RBM4B: variants seen among roughly 807,000 people sequenced by gnomAD.
RBM4B encodes the protein RNA-binding protein 4B.
RBM4B carries 13 observed loss-of-function variants against 28.5 expected under a neutral mutation model. The observed-to-expected ratio is 0.46, with a 90% CI of 0.30 to 0.72. The LOEUF (loss-of-function observed/expected upper bound fraction) is 0.72, where lower values mean the gene tolerates loss of function less well. RBM4B is among the 30% of genes least tolerant of loss of function. The probability of loss-of-function intolerance (pLI) is 0.09; values close to 1 mark genes in which losing one functional copy is unlikely to be tolerated. For missense variants in RBM4B, 387 were observed against 477.6 expected (o/e 0.81, Z 1.77); for synonymous variants, 167 against 179.1 (o/e 0.93, Z 0.54).
intron 2 of RBM4B, chr11:66,675,802 T>C (rs1420361366): frequency 6.6e-6 from 1 of 152,240 alleles, no homozygotes; most frequent in African/African-American, 2.4e-5. Context: ...TACTGAGTGC[T>C]TGAAACGTGT....
At chr11:66,672,961 C>G (rs968518910) in intron 2 of RBM4B, among the ~76,000 whole-genome samples, 2 of 152,150 alleles carry the variant, frequency 1.3e-5, no homozygotes, top group African/African-American at 4.8e-5. Flanking sequence ...TTTCCTGGGA[C>G]TTCCAAAAGT....
At chr11:66,671,060 G>A in intron 2 of RBM4B, 1 of 701,776 alleles carries the variant, frequency 1.4e-6, no homozygotes, top group South Asian at 1.5e-5. Context: ...GCGGGTTAGT[G>A]TGGCAATATC....
chr11:66,669,421 ACCT>A, intron 2 of RBM4B, 130 bp from the exon 3 acceptor site: 1 of 829,848 alleles, frequency 1.2e-6, no homozygotes, highest in East Asian at 2.6e-5. Flanking sequence ...TATTTCAGCA[ACCT>A]CCTTTAAAAA....
At chr11:66,667,753 G>GA (rs1185837812) in intron 3 of RBM4B, 1 of 151,660 alleles carries the variant, frequency 6.6e-6, no homozygotes, top group Non-Finnish European at 1.5e-5. Context: ...GCCCAGGCTG[G>GA]AATACAGTGG....
At position 66,669,079 on chromosome 11, in the gene RBM4B, T is replaced by C. The variant is rs762126688; in HGVS notation, c.625A>G (p.Met209Val). ...GCTCCATATGCATCGTTGTAATACA[T>C]GGATTCCCCGTAGCCCATGGTGTAA... The part of the protein sequence containing the change: ...TPYTMGYGES[M>V]YYNDAYGALD... Residue 209 changes from methionine to valine, a missense_variant, in exon 3 of 4, where the codon ATG (methionine) becomes GTG (valine). Transcript: ENST00000310046. 2 of 1,614,038 alleles carry C rather than the reference T, an allele frequency of 1.2e-6. No homozygotes were observed.
At chr11:66,674,556 AAT>A (rs543989886) in intron 2 of RBM4B, among the ~76,000 whole-genome samples, 4 of 149,108 alleles carry the variant, frequency 2.7e-5, no homozygotes, top group African/African-American at 9.9e-5. Flanking sequence ...AGTTGTATTA[AAT>A]ATATATATGG....
chr11:66,668,450 TG>T, intron 3 of RBM4B, 164 bp downstream of exon 3: 1 of 587,526 alleles, frequency 1.7e-6, no homozygotes, highest in Admixed American at 3.0e-5. Context: ...ACAGGCCAAA[TG>T]GAACTTGTGG....
intron 2 of RBM4B, among the ~76,000 whole-genome samples, chr11:66,675,109 G>GT (rs1939598217): frequency 6.6e-6 from 1 of 152,146 alleles, no homozygotes; most frequent in South Asian, 2.1e-4. Flanking sequence ...AAAAACAAAT[G>GT]TAAGAAAAGC....
At chr11:66,667,720 A>G (rs1939292425) in intron 3 of RBM4B, 1 of 119,568 alleles carries the variant, frequency 8.4e-6, no homozygotes. Flanking sequence ...TTTTAAATAA[A>G]GGAGAGACAG....
intron 2 of RBM4B, chr11:66,676,335 G>A (rs746608838): frequency 1.3e-5 from 6 of 456,426 alleles, no homozygotes; most frequent in Non-Finnish European, 1.9e-5. Flanking sequence ...GGTAAGCCAC[G>A]GACCTTTATC....
At chr11:66,672,672 T>A (rs1939505673) in intron 2 of RBM4B, among the ~76,000 whole-genome samples, 1 of 151,840 alleles carries the variant, frequency 6.6e-6, no homozygotes, top group Non-Finnish European at 1.5e-5. Flanking sequence ...ATTTCTTCTA[T>A]TTTTAGTGGA....
chr11:66,676,568 G>T, intron 2 of RBM4B, 100 bp downstream of exon 2: 1 of 1,348,212 alleles, frequency 7.4e-7, no homozygotes. Flanking sequence ...AGCTAAAACA[G>T]AATGGAAGAG....
intron 2 of RBM4B, among the ~76,000 whole-genome samples, chr11:66,672,387 G>A (rs1228498340): frequency 9.0e-6 from 1 of 111,286 alleles, no homozygotes; most frequent in Non-Finnish European, 1.7e-5. Context: ...TACAGCCTAG[G>A]CAATAGAGCA....
intron 2 of RBM4B, among the ~76,000 whole-genome samples, chr11:66,669,765 AGAT>A (rs1565093867): frequency 1.3e-5 from 2 of 152,370 alleles, no homozygotes; most frequent in South Asian, 4.1e-4. Context: ...AGTTTAATAC[AGAT>A]GAGAGCTAGA....
chr11:66,677,438 G>A (rs1939675866), intron 1 of RBM4B: 1 of 310,682 alleles, frequency 3.2e-6, no homozygotes, highest in Non-Finnish European at 6.0e-6. Flanking sequence ...TGGTAACAAG[G>A]TTTTGGAGGG....
In RBM4B at chr11:66,669,124, A is replaced by G; in HGVS notation, c.580T>C (p.Tyr194His). 1 of 1,614,056 alleles carries G rather than the reference A, an allele frequency of 6.2e-7. No individual in the cohort carries two copies. The highest frequency in any genetic ancestry group is 1.1e-5 in the South Asian group (1 of 91,078). Residue 194 changes from tyrosine (Y) to histidine (H), a missense_variant, in exon 3 of 4, where the codon TAT becomes CAT. Transcript: ENST00000310046. Reference protein sequence around the residue: ...ADFTEQYNEQYGAVRTPYTMG... With the variant: ...ADFTEQYNEQHGAVRTPYTMG... ...GTGTAAGGTGTTCGAACTGCTCCAT[A>G]TTGTTCATTATACTGCTCAGTAAAG...
chr11:66,666,522 C>T (rs1397466060), intron 3 of RBM4B: 15 of 863,924 alleles, frequency 1.7e-5, no homozygotes, highest in Non-Finnish European at 1.9e-5. Flanking sequence ...TAAAAGTCAT[C>T]GCTAAAAAGA....
chr11:66,666,302 G>T, intron 3 of RBM4B: 2 of 1,065,408 alleles, frequency 1.9e-6, no homozygotes, highest in South Asian at 3.1e-5. Flanking sequence ...ACAGACAAAG[G>T]GCCAAATCTT....
rs1565097373 is a variant in RBM4B, at chr11:66,676,780, C to T, written c.300G>A (p.Glu100=). Residue 100 remains glutamate, a synonymous_variant, in exon 2 of 4, where the codon GAG becomes GAA. Coordinates refer to ENST00000310046, the MANE Select transcript of RBM4B (RefSeq NM_031492.4). The stretch of plus-strand genomic sequence containing the variant: ...TGTCACATTCGATGACCGGACCATA[C>T]TCCTCAAACTTGGCTCGAAGCTCTT... The part of the protein sequence containing the change: ...TNQELRAKFE[E]YGPVIECDIV... 2 of 1,614,180 alleles carry T rather than the reference C, an allele frequency of 1.2e-6. No homozygotes were observed. The highest frequency in any genetic ancestry group is 1.3e-5 in the African/African-American group (1 of 75,044).
Sources: allele counts gnomAD v4.1 joint callset (sites outside exome capture counted in the v4.1 genomes callset), GRCh38; gene constraint gnomAD v4.1.1; transcripts MANE v1.5; gene names NCBI Gene and HGNC (gene_info 2026-07-23, HGNC 2026-07-21).